Variants in ATP11B observed in about 807,000 individuals in gnomAD.
ATP11B encodes ATPase phospholipid transporting 11B (putative).
In ATP11B, 81 loss-of-function variants were observed where a neutral mutation model predicts 157.8. The ratio of observed to expected loss-of-function variants is 0.51; its 90% CI spans 0.43 to 0.62. The LOEUF is 0.62. ATP11B is among the 20% of genes least tolerant of loss of function. The pLI, the probability that ATP11B is intolerant of heterozygous loss-of-function variation, is 0.00. For synonymous variants in ATP11B, 451 were observed against 469.4 expected, an observed-to-expected ratio of 0.96 and a Z score of 0.51; for missense variants, 1,165 against 1,402.2, an observed-to-expected ratio of 0.83 and a Z score of 2.70.
chr3:182,848,909 A>G (rs1425219066), intron 10 of ATP11B, among the ~76,000 whole-genome samples: 44 of 152,238 alleles, frequency 2.9e-4, no homozygotes, highest in Admixed American at 2.9e-3. Flanking sequence ...AAGGAGTGTA[A>G]TCCTGAAAGA....
At chr3:182,810,418 A>G (rs1048776427) in intron 1 of ATP11B, among the ~76,000 whole-genome samples, 2 of 152,152 alleles carry the variant, frequency 1.3e-5, no homozygotes, top group African/African-American at 2.4e-5. Flanking sequence ...TTTAATTTTC[A>G]TAGCAATAGT....
chr3:182,846,780 T>G (rs1005204302), intron 9 of ATP11B, among the ~76,000 whole-genome samples: 5 of 152,198 alleles, frequency 3.3e-5, no homozygotes, highest in African/African-American at 1.2e-4. Context: ...GGCAAATTCA[T>G]AGAGACTGAA....
rs546482081 is a variant in ATP11B, at chr3:182,913,870, A to G, written c.3328A>G (p.Thr1110Ala). The change falls in exon 29 of 30, where the codon ACA becomes GCA. Residue 1110 changes from threonine to alanine, a missense_variant. Around this residue, in one of 4 missense-constraint regions of ATP11B, gnomAD observed 303 missense variants for 296.3 expected, o/e 1.02. Coordinates refer to ENST00000323116, the MANE Select transcript of ATP11B (RefSeq NM_014616.3). ...TSTEKAQLTE[T>A]NAGIKCLDSM... is the part of the protein sequence containing the mutation. The stretch of plus-strand genomic sequence containing the variant: ...GCTTCACCTCCCGCAGCTTACTGAA[A>G]CAAATGCAGGTATCAAGTGCTTGGA... 1 of 1,614,128 alleles carries G rather than the reference A, an allele frequency of 6.2e-7. No homozygotes were observed. The highest frequency in any genetic ancestry group is 1.3e-5 in the African/African-American group (1 of 75,054).
chr3:182,917,932 T>A lies in ATP11B; in HGVS notation c.3453-91T>A, dbSNP rs1202338970. 3.3e-6 allele frequency: 5 copies of A among 1,516,092 alleles called. No individual in the cohort carries two copies. In the East Asian group the frequency reaches 1.2e-4, roughly 35 times the overall value. 93.9% of individuals were successfully genotyped at this position (1,516,092 alleles called of 1,614,324 possible). ...GTATTTAAATGAATCAATCAGTGAT[T>A]GCATTTGGGTCCTAAGTTTTAGAGT... On this transcript the variant is annotated intron_variant, in intron 29 of 29. Coordinates refer to ENST00000323116, the MANE Select transcript of ATP11B (RefSeq NM_014616.3).
At chr3:182,842,320 G>T (rs1049559144) in intron 8 of ATP11B, among the ~76,000 whole-genome samples, 198 bp downstream of exon 8, 1 of 152,146 alleles carries the variant, frequency 6.6e-6, no homozygotes. Context: ...GCAAGCTAGA[G>T]TGTTTAGTGG....
At chr3:182,795,990 T>G (rs1715574281) in intron 1 of ATP11B, among the ~76,000 whole-genome samples, 1 of 152,214 alleles carries the variant, frequency 6.6e-6, no homozygotes, top group Middle Eastern at 3.2e-3. Context: ...ATTCGTTATA[T>G]GAATCCCGAT....
chr3:182,794,068 G>A (rs911879338), intron 1 of ATP11B, among the ~76,000 whole-genome samples: 6 of 152,192 alleles, frequency 3.9e-5, no homozygotes, highest in Admixed American at 6.5e-5. Context: ...TTGCCGCTCC[G>A]GGGCTGCTGT....
At chr3:182,820,187 A>T in intron 1 of ATP11B, 73 bp from the exon 2 acceptor site, 1 of 975,198 alleles carries the variant, frequency 1.0e-6, no homozygotes, top group Non-Finnish European at 1.6e-6. Flanking sequence ...CCAGCTAAAT[A>T]AAGCTAACAG....
chr3:182,866,567 AATAC>A (rs1721249680), intron 14 of ATP11B, 124 bp downstream of exon 14: 1 of 716,886 alleles, frequency 1.4e-6, no homozygotes, highest in East Asian at 3.2e-5. Context: ...AATTCATATA[AATAC>A]ATAAAAATAG....
intron 1 of ATP11B, among the ~76,000 whole-genome samples, chr3:182,806,519 TTTC>T (rs1716339872): frequency 6.6e-6 from 1 of 152,110 alleles, no homozygotes; most frequent in Non-Finnish European, 1.5e-5. Context: ...CTATGGCTCT[TTTC>T]TTATTCTCAT....
In ATP11B at chr3:182,858,045, TTGAC is replaced by T; in HGVS notation, c.1002+20_1002+23del. ...AGCAGTAAGGTATTTTATGGTGTTATTGACTGTGTCATAAAGGAAACTATTACTT... is the reference window on the plus strand; with the variant it reads ...AGCAGTAAGGTATTTTATGGTGTTATTGTGTCATAAAGGAAACTATTACTT... On this transcript the variant is annotated intron_variant, in intron 11 of 29. Transcript: ENST00000323116. The T allele has an allele frequency of 6.3e-7, 1 of 1,598,744 alleles. No individual in the cohort carries two copies. Among genetic ancestry groups the T allele is most frequent in the South Asian group, 1.1e-5 (1 of 89,806 alleles).
At chr3:182,906,542 C>G (rs904815775) in intron 28 of ATP11B, among the ~76,000 whole-genome samples, 2 of 152,132 alleles carry the variant, frequency 1.3e-5, no homozygotes, top group African/African-American at 4.8e-5. Flanking sequence ...CTCCCGGGCT[C>G]AAGCGGTCCT....
chr3:182,822,109 CT>C (rs533800000), intron 2 of ATP11B, among the ~76,000 whole-genome samples: 5,572 of 140,968 alleles, frequency 0.04, 314 homozygotes, highest in African/African-American at 0.13. Context: ...TGACACAGTT[CT>C]TTTTTTTTTT....
At chr3:182,845,365 A>G (rs1719431261) in intron 8 of ATP11B, 93 bp from the exon 9 acceptor site, 13 of 1,093,088 alleles carry the variant, frequency 1.2e-5, no homozygotes, top group African/African-American at 1.7e-5. Flanking sequence ...TGTTATGGCT[A>G]TAGCTTAAGT....
At chr3:182,837,673 G>A (rs1352015968) in intron 7 of ATP11B, among the ~76,000 whole-genome samples, 1 of 151,866 alleles carries the variant, frequency 6.6e-6, no homozygotes, top group African/African-American at 2.4e-5. Context: ...ATATATAACA[G>A]CTATGAGTTT....
In ATP11B at chr3:182,915,800, C is replaced by T. The variant is rs890781223; in HGVS notation, c.3452+1806C>T. On this transcript the variant is annotated intron_variant, in intron 29 of 29. Transcript: ENST00000323116. ...TATTGAATTTACTTTTACATGTTCT[C>T]TTGAAGGTAGCTATTATCATCTATA... The T allele has an allele frequency of 1.4e-5, 14 of 982,772 alleles. No individual in the cohort carries two copies. In the African/African-American group the frequency reaches 2.5e-4, roughly 17 times the overall value. The allele number at this position is 982,772 out of a possible 1,614,324, so 60.9% of individuals were successfully genotyped here. A position where few individuals can be genotyped will look rare whatever the true frequency, so the allele number is the denominator to read the frequency against.
intron 6 of ATP11B, among the ~76,000 whole-genome samples, 180 bp from the exon 7 acceptor site, chr3:182,836,891 A>G (rs1718595454): frequency 6.6e-6 from 1 of 152,142 alleles, no homozygotes; most frequent in Non-Finnish European, 1.5e-5. Flanking sequence ...TAGACAGGTA[A>G]TGATAGTAGC....
chr3:182,797,123 A>T (rs896093771), intron 1 of ATP11B, among the ~76,000 whole-genome samples: 9 of 152,216 alleles, frequency 5.9e-5, no homozygotes, highest in African/African-American at 1.9e-4. Context: ...CTTTTCCAAG[A>T]TAACAATTCC....
chr3:182,887,257 C>G (rs1309635681), intron 23 of ATP11B, among the ~76,000 whole-genome samples: 2 of 152,046 alleles, frequency 1.3e-5, no homozygotes, highest in Non-Finnish European at 2.9e-5. Context: ...TAGTAAGATG[C>G]CTGGAATACA....
Sources: gnomAD v4.1 joint callset for allele counts (sites outside exome capture counted in the v4.1 genomes callset) on GRCh38, gnomAD v4.1.1 for gene constraint, gnomAD v4.1.1 regional missense constraint, MANE v1.5 for transcripts, NCBI Gene and HGNC (gene_info 2026-07-23, HGNC 2026-07-21) for gene names.